The following PDIA5 variants were observed in gnomAD, a reference collection of about 807,000 sequenced individuals.
PDIA5 encodes the protein protein disulfide-isomerase A5.
In PDIA5, 58 loss-of-function variants were observed where a neutral mutation model predicts 77.6. The observed-to-expected ratio is 0.75, with a 90% CI of 0.61 to 0.93. The LOEUF (loss-of-function observed/expected upper bound fraction) is 0.93, where lower values mean the gene tolerates loss of function less well. Ranked by LOEUF, PDIA5 falls within the 40% of genes least tolerant of loss-of-function variation. The pLI, the probability that PDIA5 is intolerant of heterozygous loss-of-function variation, is 0.00. For missense variants in PDIA5, 630 were observed against 647.7 expected (o/e 0.97, Z 0.30); for synonymous variants, 250 against 252.1 (o/e 0.99, Z 0.08).
At chr3:123,067,284 C>A in intron 1 of PDIA5, 78 bp downstream of exon 1, 1 of 1,155,264 alleles carries the variant, frequency 8.7e-7, no homozygotes, top group Non-Finnish European at 1.1e-6. Flanking sequence ...TGCTCCAGCC[C>A]TCTGCGGAAC....
At chr3:123,091,062 G>A (rs1934271133) in intron 2 of PDIA5, among the ~76,000 whole-genome samples, 1 of 152,096 alleles carries the variant, frequency 6.6e-6, no homozygotes, top group Non-Finnish European at 1.5e-5. Flanking sequence ...TCTTGCTGTA[G>A]TTTATTTCTC....
intron 11 of PDIA5, among the ~76,000 whole-genome samples, chr3:123,132,452 T>C (rs1935391202): frequency 6.6e-6 from 1 of 152,220 alleles, no homozygotes; most frequent in African/African-American, 2.4e-5. Context: ...TTCCTATAGC[T>C]CTTCTGAGTT....
chr3:123,151,761 T>TG (rs1037468506), intron 14 of PDIA5, among the ~76,000 whole-genome samples: 2 of 147,568 alleles, frequency 1.4e-5, no homozygotes, highest in Admixed American at 6.7e-5. Flanking sequence ...CCTGCCTGCC[T>TG]GCCTGCCTGC....
chr3:123,100,234 G>T (rs572419459), intron 3 of PDIA5, among the ~76,000 whole-genome samples: 1 of 152,368 alleles, frequency 6.6e-6, no homozygotes, highest in South Asian at 2.1e-4. Context: ...CACCTCGTTC[G>T]CAGTTGTTCT....
chr3:123,124,412 C>A (rs1185532697), intron 10 of PDIA5, 69 bp downstream of exon 10: 2 of 1,105,160 alleles, frequency 1.8e-6, no homozygotes, highest in South Asian at 1.2e-5. Flanking sequence ...GCCTGAGGGT[C>A]GCAGGGCTCT....
At chr3:123,099,992 G>T (rs1443678251) in intron 3 of PDIA5, among the ~76,000 whole-genome samples, 1 of 152,250 alleles carries the variant, frequency 6.6e-6, no homozygotes, top group Non-Finnish European at 1.5e-5. Flanking sequence ...CTTCGCAGCT[G>T]CTGGTGTCAG....
At chr3:123,080,166 T>G (rs1933962921) in intron 1 of PDIA5, among the ~76,000 whole-genome samples, 2 of 151,036 alleles carry the variant, frequency 1.3e-5, no homozygotes, top group Non-Finnish European at 3.0e-5. Context: ...GTGGGGGGGA[T>G]TTAACATTTC....
chr3:123,149,336 T>C (rs138473038), intron 13 of PDIA5, among the ~76,000 whole-genome samples: 251 of 152,264 alleles, frequency 1.6e-3, no homozygotes, highest in African/African-American at 5.6e-3. Flanking sequence ...TCTTTGAGAA[T>C]TGCAAGGGCT....
Position 123,093,756 on chromosome 3 carries a change from T to C in PDIA5, c.257+1314T>C, listed in dbSNP as rs192182629. Among the ~76,000 whole-genome samples, 5 of 152,328 alleles carry C rather than the reference T, an allele frequency of 3.3e-5. No individual in the cohort carries two copies. In the East Asian group the frequency reaches 9.7e-4, roughly 29 times the overall value. ...AACAGTGCCACAAACACAGACTATA[T>C]GCATGGAGGGAAAGCCCCTCCATTC... On this transcript the variant is annotated intron_variant, in intron 3 of 16. Coordinates refer to ENST00000316218, the MANE Select transcript of PDIA5 (RefSeq NM_006810.4).
rs370915707 is a variant in PDIA5, at chr3:123,082,333, T to C, written c.43-6835T>C. On this transcript the variant is annotated intron_variant, in intron 1 of 16. Coordinates refer to ENST00000316218, the MANE Select transcript of PDIA5 (RefSeq NM_006810.4). ...TGGAGTCGGGAGGCCCAAGTTCTAG[T>C]CCTGGCTCTGTTACTTACCTACTGT... Among the ~76,000 whole-genome samples, 6 of 152,250 alleles carry C rather than the reference T, an allele frequency of 3.9e-5. No individual in the cohort carries two copies. The East Asian group carries it at 7.7e-4, about 20-fold the overall frequency.
At chr3:123,111,467 G>A (rs962688727) in intron 7 of PDIA5, among the ~76,000 whole-genome samples, 8 of 152,258 alleles carry the variant, frequency 5.3e-5, no homozygotes, top group African/African-American at 1.9e-4. Flanking sequence ...CACCTGGGAG[G>A]AGCGGGGGAC....
chr3:123,068,337 A>C (rs1194886126), intron 1 of PDIA5, among the ~76,000 whole-genome samples: 1 of 152,174 alleles, frequency 6.6e-6, no homozygotes, highest in Non-Finnish European at 1.5e-5. Flanking sequence ...GGCCTTTTGG[A>C]TCACCAGTGA....
At chr3:123,088,862 GT>G (rs1428386497) in intron 1 of PDIA5, among the ~76,000 whole-genome samples, 1 of 152,118 alleles carries the variant, frequency 6.6e-6, no homozygotes, top group Non-Finnish European at 1.5e-5. Context: ...TATTTTTTAT[GT>G]TTTTCAAATG....
At position 123,161,652 on chromosome 3, in the gene PDIA5, T is replaced by C. The variant is rs538395252; in HGVS notation, c.1479+197T>C. The C allele has an allele frequency of 3.9e-4, 260 of 664,312 alleles. 4 individuals are homozygous for C. The South Asian group carries it at 4.8e-3, about 12-fold the overall frequency. 41.2% of individuals were successfully genotyped at this position (664,312 alleles called of 1,614,324 possible). ...GAGAGTCCCAAGGGGTTGCCACAGA[T>C]GTCCTGTCCCCAGAGGCAGGCTGGA... On this transcript the variant is annotated intron_variant, in intron 16 of 16. Coordinates refer to ENST00000316218, the MANE Select transcript of PDIA5 (RefSeq NM_006810.4).
At chr3:123,079,175 CTTTTTTT>C (rs35252405) in intron 1 of PDIA5, among the ~76,000 whole-genome samples, 7 of 94,066 alleles carry the variant, frequency 7.4e-5, no homozygotes, top group East Asian at 6.1e-4. Context: ...ATTTTGAATT[CTTTTTTT>C]TTTTTTTTTT....
intron 1 of PDIA5, 67 bp downstream of exon 1, chr3:123,067,273 C>T (rs1275682891): frequency 2.5e-6 from 3 of 1,182,702 alleles, no homozygotes; most frequent in Admixed American, 4.2e-5. Context: ...TCTGCGCTCT[C>T]TGCTCCAGCC....
At position 123,089,415 on chromosome 3, in the gene PDIA5, G is replaced by T. The variant is rs148183426; in HGVS notation, c.169+121G>T. The T allele has an allele frequency of 8.6e-3, 7,718 of 897,008 alleles. 53 individuals carry two copies. Among genetic ancestry groups the T allele is most frequent in the Non-Finnish European group, 0.01 (6,093 of 582,298 alleles). 55.6% of individuals were successfully genotyped at this position (897,008 alleles called of 1,614,324 possible). Reference sequence around the variant, plus strand: ...TTAGGGAGGGTCCAAGGGACATGGGGTTTGTCACCTTTCCTCAGAAGACAG... The same window carrying T: ...TTAGGGAGGGTCCAAGGGACATGGGTTTTGTCACCTTTCCTCAGAAGACAG... On this transcript the variant is annotated intron_variant, in intron 2 of 16. Transcript: ENST00000316218.
chr3:123,133,993 CTTTT>C lies in PDIA5; in HGVS notation c.910+3378_910+3381del, dbSNP rs1560543148. Among the ~76,000 whole-genome samples the C allele has an allele frequency of 2.0e-3, 293 of 148,338 alleles. 1 individual carries two copies. Among genetic ancestry groups the C allele is most frequent in the African/African-American group, 7.1e-3 (287 of 40,536 alleles). On this transcript the variant is annotated intron_variant, in intron 11 of 16. Coordinates refer to ENST00000316218, the MANE Select transcript of PDIA5 (RefSeq NM_006810.4). ...TTTTCTTTTCTTTTCTTTTCCTTTT[CTTTT>C]CTTTTCCTTTTCTTTTCTTTTCCTT...
At chr3:123,117,874 T>C (rs59321710) in intron 8 of PDIA5, among the ~76,000 whole-genome samples, 2,366 of 152,248 alleles carry the variant, frequency 0.016, 59 homozygotes, top group African/African-American at 0.051. Flanking sequence ...AGAAGTGTCT[T>C]GATGGCAACA....
Sources: allele counts gnomAD v4.1 joint callset (sites outside exome capture counted in the v4.1 genomes callset), GRCh38; gene constraint gnomAD v4.1.1; transcripts MANE v1.5; gene names NCBI Gene and HGNC (gene_info 2026-07-23, HGNC 2026-07-21).